Variants in MC2R observed in about 807,000 individuals in gnomAD.
MC2R encodes the protein adrenocorticotropic hormone receptor.
MC2R carries 9 observed loss-of-function variants against 9.8 expected under a neutral mutation model. That is an observed-to-expected ratio of 0.92 (90% confidence interval 0.55 to 1.60). The LOEUF (loss-of-function observed/expected upper bound fraction) is 1.60. Ranked by LOEUF, MC2R falls within the 40% of genes most tolerant of loss-of-function variation. MC2R has a pLI of 0.00. For missense variants in MC2R, 370 were observed against 389.0 expected (o/e 0.95, Z 0.41); for synonymous variants, 185 against 154.7 (o/e 1.20, Z -1.45).
intron 1 of MC2R, among the ~76,000 whole-genome samples, chr18:13,899,544 T>C (rs1021996315): frequency 6.6e-6 from 1 of 152,012 alleles, no homozygotes; most frequent in Non-Finnish European, 1.5e-5. Context: ...TTAACCCAAA[T>C]AAGACTACCT....
intron 1 of MC2R, among the ~76,000 whole-genome samples, chr18:13,890,193 T>C (rs954786506): frequency 2.0e-5 from 3 of 152,020 alleles, no homozygotes; most frequent in Non-Finnish European, 4.4e-5. Flanking sequence ...AGACACCACT[T>C]GTGGTTTAGG....
At chr18:13,895,633 T>A (rs1192970128) in intron 1 of MC2R, among the ~76,000 whole-genome samples, 1 of 152,186 alleles carries the variant, frequency 6.6e-6, no homozygotes, top group African/African-American at 2.4e-5. Context: ...GCTCAACTTT[T>A]GAGAATATTT....
At chr18:13,894,881 G>A (rs2045337406) in intron 1 of MC2R, among the ~76,000 whole-genome samples, 1 of 152,134 alleles carries the variant, frequency 6.6e-6, no homozygotes, top group Non-Finnish European at 1.5e-5. Context: ...AAGGTCTCTG[G>A]CTCCATATCA....
intron 1 of MC2R, among the ~76,000 whole-genome samples, chr18:13,897,620 TGAG>T (rs2045354030): frequency 6.6e-6 from 1 of 152,022 alleles, no homozygotes; most frequent in Non-Finnish European, 1.5e-5. Context: ...TCCTTCTGCT[TGAG>T]GAGAGGAGAA....
chr18:13,886,462 G>A (rs964673177), intron 1 of MC2R, among the ~76,000 whole-genome samples: 3 of 152,224 alleles, frequency 2.0e-5, no homozygotes, highest in African/African-American at 7.2e-5. Context: ...CCATGTGGGA[G>A]CAGGAGAGCC....
At chr18:13,906,190 C>A (rs2045413298) in intron 1 of MC2R, among the ~76,000 whole-genome samples, 1 of 152,184 alleles carries the variant, frequency 6.6e-6, no homozygotes, top group African/African-American at 2.4e-5. Context: ...AAATGTCCAT[C>A]AATGATAGAC....
chr18:13,909,206 A>C (rs1372275054), intron 1 of MC2R, among the ~76,000 whole-genome samples: 1 of 152,162 alleles, frequency 6.6e-6, no homozygotes, highest in Non-Finnish European at 1.5e-5. Flanking sequence ...TAGAATTGCC[A>C]CAATTGTGTG....
intron 1 of MC2R, among the ~76,000 whole-genome samples, chr18:13,904,864 G>A (rs55904217): frequency 0.04 from 6,081 of 152,098 alleles, 162 homozygotes; most frequent in Middle Eastern, 0.11. Flanking sequence ...AACTGAAACC[G>A]GGCCCCTTCC....
chr18:13,906,950 C>A (rs1056068154), intron 1 of MC2R, among the ~76,000 whole-genome samples: 4 of 152,094 alleles, frequency 2.6e-5, no homozygotes, highest in African/African-American at 9.7e-5. Context: ...CCATACTACC[C>A]AAAGCAATTT....
At chr18:13,894,526 G>A (rs567796802) in intron 1 of MC2R, among the ~76,000 whole-genome samples, 30 of 152,300 alleles carry the variant, frequency 2.0e-4, no homozygotes, top group Non-Finnish European at 2.2e-4. Flanking sequence ...ATGCGATAAC[G>A]TATGTAAATT....
chr18:13,897,636 G>C (rs1248875285), intron 1 of MC2R, among the ~76,000 whole-genome samples: 1 of 152,008 alleles, frequency 6.6e-6, no homozygotes, highest in African/African-American at 2.4e-5. Flanking sequence ...GAGGAGAAGA[G>C]AAGGAAGAGT....
intron 1 of MC2R, among the ~76,000 whole-genome samples, chr18:13,886,485 C>G (rs1232174776): frequency 6.6e-6 from 1 of 152,194 alleles, no homozygotes; most frequent in African/African-American, 2.4e-5. Flanking sequence ...CAGCTGCCTT[C>G]TCTGACTGGG....
chr18:13,887,986 C>T (rs150540468), intron 1 of MC2R, among the ~76,000 whole-genome samples: 58 of 152,288 alleles, frequency 3.8e-4, no homozygotes, highest in Admixed American at 1.4e-3. Flanking sequence ...GGGCCAACAC[C>T]TGTGGCCAGC....
intron 1 of MC2R, among the ~76,000 whole-genome samples, chr18:13,909,605 A>T (rs941609779): frequency 6.6e-6 from 1 of 152,168 alleles, no homozygotes; most frequent in Non-Finnish European, 1.5e-5. Flanking sequence ...GAATGCATGG[A>T]CAACTATTTT....
chr18:13,892,805 TACAC>T (rs34352644), intron 1 of MC2R, among the ~76,000 whole-genome samples: 10,445 of 147,132 alleles, frequency 0.071, 437 homozygotes, highest in Middle Eastern at 0.14. Context: ...CATAATCTGT[TACAC>T]ACACACACAC....
At chr18:13,899,497 A>G (rs35293761) in intron 1 of MC2R, among the ~76,000 whole-genome samples, 23,871 of 152,208 alleles carry the variant, frequency 0.16, 2,493 homozygotes, top group Middle Eastern at 0.29. Flanking sequence ...GAAAGATACC[A>G]ATATGGAAGT....
intron 1 of MC2R, among the ~76,000 whole-genome samples, chr18:13,899,862 G>C (rs1373895159): frequency 6.6e-6 from 1 of 152,228 alleles, no homozygotes; most frequent in East Asian, 1.9e-4. Context: ...GCTAAAGGGA[G>C]TACTTCAATC....
At chr18:13,911,254 G>C (rs542644595) in intron 1 of MC2R, among the ~76,000 whole-genome samples, 3 of 152,170 alleles carry the variant, frequency 2.0e-5, no homozygotes, top group Admixed American at 6.5e-5. Flanking sequence ...CAGGCAGCCT[G>C]CAGCCTCTCC....
chr18:13,905,743 T>G (rs937918486), intron 1 of MC2R, among the ~76,000 whole-genome samples: 1 of 152,180 alleles, frequency 6.6e-6, no homozygotes, highest in African/African-American at 2.4e-5. Flanking sequence ...ATCCCATTAC[T>G]GGGTATATAC....
Sources: gnomAD v4.1 joint callset for allele counts (sites outside exome capture counted in the v4.1 genomes callset) on GRCh38, gnomAD v4.1.1 for gene constraint, MANE v1.5 for transcripts, NCBI Gene and HGNC (gene_info 2026-07-23, HGNC 2026-07-21) for gene names.